The following FBXW7 variants were observed in gnomAD, a reference collection of about 807,000 sequenced individuals.
FBXW7 encodes the protein F-box/WD repeat-containing protein 7.
In FBXW7, 11 loss-of-function variants were observed where a neutral mutation model predicts 86.3. The ratio of observed to expected loss-of-function variants is 0.13; its 90% CI spans 0.08 to 0.21. The LOEUF (loss-of-function observed/expected upper bound fraction) is 0.21, where lower values mean the gene tolerates loss of function less well. Ranked by LOEUF, FBXW7 falls within the 10% of genes least tolerant of loss-of-function variation. The pLI, the probability that FBXW7 is intolerant of heterozygous loss-of-function variation, is 1.00. For synonymous variants in FBXW7, 313 were observed against 297.9 expected (o/e 1.05, Z -0.52); for missense variants, 488 against 847.4 (o/e 0.58, Z 5.27).
chr4:152,357,176 CTTACT>C (rs1197734787), intron 4 of FBXW7, among the ~76,000 whole-genome samples: 4 of 152,058 alleles, frequency 2.6e-5, no homozygotes, highest in African/African-American at 4.8e-5. Context: ...AATAGATAAT[CTTACT>C]TTACTTAAAC....
chr4:152,395,152 C>A (rs1736311605), intron 4 of FBXW7, among the ~76,000 whole-genome samples: 1 of 152,008 alleles, frequency 6.6e-6, no homozygotes, highest in Non-Finnish European at 1.5e-5. Flanking sequence ...CAGTGTTTTG[C>A]AAACTTCAGT....
At chr4:152,351,599 C>T (rs1731824020) in intron 4 of FBXW7, among the ~76,000 whole-genome samples, 1 of 152,008 alleles carries the variant, frequency 6.6e-6, no homozygotes, top group South Asian at 2.1e-4. Context: ...TATAGATACA[C>T]ACATATATAT....
At chr4:152,456,642 G>A (rs562906416) in intron 2 of FBXW7, among the ~76,000 whole-genome samples, 3 of 152,218 alleles carry the variant, frequency 2.0e-5, no homozygotes, top group South Asian at 2.1e-4. Context: ...AACATAATTC[G>A]CATTTTCCTA....
At chr4:152,387,708 C>CTTTTTTTTTTTTTTTTTT (rs34073737) in intron 4 of FBXW7, among the ~76,000 whole-genome samples, 2 of 112,796 alleles carry the variant, frequency 1.8e-5, no homozygotes, top group African/African-American at 7.1e-5. Context: ...CATGGCATAC[C>CTTTTTTTTTTTTTTTTTT]TTTTTTTTTT....
chr4:152,370,703 T>C (rs1384224148), intron 4 of FBXW7, among the ~76,000 whole-genome samples: 2 of 151,996 alleles, frequency 1.3e-5, no homozygotes, highest in African/African-American at 4.8e-5. Flanking sequence ...AATGCCAATG[T>C]AGTAAGATGT....
At position 152,328,329 on chromosome 4, in the gene FBXW7, T is replaced by A. The variant is rs761173677; in HGVS notation, c.1297A>T (p.Ile433Phe). Reference sequence around the variant, plus strand: ...CGATCTGTAGATCCACTAATGATGATGTTGTCTCTCATTTGTGATGACCAT... The same window carrying A: ...CGATCTGTAGATCCACTAATGATGAAGTTGTCTCTCATTTGTGATGACCAT... Reference protein sequence around the residue: ...GVWSSQMRDNIIISGSTDRTL... With the variant: ...GVWSSQMRDNFIISGSTDRTL... The change falls in exon 11 of 14, where the codon ATC (isoleucine) becomes TTC (phenylalanine). Residue 433 changes from isoleucine to phenylalanine, a missense_variant. This residue lies in a region of FBXW7 where 142 missense variants were observed against 406.6 expected (regional missense o/e 0.35). Coordinates refer to ENST00000281708, the MANE Select transcript of FBXW7 (RefSeq NM_001349798.2). 5.0e-6 allele frequency: 8 copies of A among 1,592,912 alleles called. No individual in the cohort carries two copies. Among genetic ancestry groups the A allele is most frequent in the Middle Eastern group, 3.3e-4 (2 of 6,002 alleles).
In FBXW7 at chr4:152,535,253, G is replaced by C. The variant is rs1472822284; in HGVS notation, c.-339C>G. ...TTTGTAAAGTTTCCTCTGGGTGGAGGCTGCGGCCGGCCCCCCGGGTCCCCC... is the reference window on the plus strand; with the variant it reads ...TTTGTAAAGTTTCCTCTGGGTGGAGCCTGCGGCCGGCCCCCCGGGTCCCCC... On this transcript the variant is annotated 5_prime_UTR_variant, in exon 1 of 14. Transcript: ENST00000281708. 1 of 238,116 alleles carries C rather than the reference G, an allele frequency of 4.2e-6. No homozygotes were observed. Among genetic ancestry groups the C allele is most frequent in the Non-Finnish European group, 8.1e-6 (1 of 123,894 alleles). The allele number at this position is 238,116 out of a possible 1,614,324, so 14.8% of individuals were successfully genotyped here.
intron 2 of FBXW7, among the ~76,000 whole-genome samples, chr4:152,462,505 T>C (rs997881459): frequency 6.6e-6 from 1 of 152,220 alleles, no homozygotes; most frequent in Non-Finnish European, 1.5e-5. Context: ...TCTTACTTAT[T>C]GCTTCCATGA....
intron 2 of FBXW7, among the ~76,000 whole-genome samples, chr4:152,508,099 C>A (rs377138548): frequency 2.0e-5 from 3 of 151,530 alleles, no homozygotes; most frequent in East Asian, 3.9e-4. Context: ...TAAGCCCTCA[C>A]AAAATGATGG....
chr4:152,326,843 A>G (rs1729070981), intron 11 of FBXW7, among the ~76,000 whole-genome samples: 3 of 152,244 alleles, frequency 2.0e-5, no homozygotes, highest in Non-Finnish European at 1.5e-5. Context: ...CCAGTTTTAG[A>G]CATGTCCTCA....
Position 152,535,844 on chromosome 4 carries a change from C to A in FBXW7, c.-930G>T. The A allele has an allele frequency of 2.6e-6, 1 of 391,212 alleles. No individual in the cohort carries two copies. The highest frequency in any genetic ancestry group is 4.5e-6 in the Non-Finnish European group (1 of 221,666). 24.2% of individuals were successfully genotyped at this position (391,212 alleles called of 1,614,324 possible). On this transcript the variant is annotated 5_prime_UTR_variant, in exon 1 of 14. Coordinates refer to ENST00000281708, the MANE Select transcript of FBXW7 (RefSeq NM_001349798.2). ...GCTCGGGCTCCGGCTCTGGCTCCGGCTCCGGCGTGTGCAGCCGCCGCTGCC... is the reference window on the plus strand; with the variant it reads ...GCTCGGGCTCCGGCTCTGGCTCCGGATCCGGCGTGTGCAGCCGCCGCTGCC...
At chr4:152,339,215 T>G (rs1730465038) in intron 6 of FBXW7, among the ~76,000 whole-genome samples, 1 of 152,202 alleles carries the variant, frequency 6.6e-6, no homozygotes, top group African/African-American at 2.4e-5. Flanking sequence ...TGTCCCTTCC[T>G]TTTGCTTCTA....
chr4:152,488,243 AAAATAT>A (rs991242189), intron 2 of FBXW7, among the ~76,000 whole-genome samples: 7 of 152,222 alleles, frequency 4.6e-5, no homozygotes, highest in Admixed American at 6.5e-5. Context: ...GGTGCATAAA[AAAATAT>A]AAATTTTTCA....
intron 2 of FBXW7, among the ~76,000 whole-genome samples, chr4:152,414,276 TG>T (rs1490624399): frequency 6.6e-6 from 1 of 152,148 alleles, no homozygotes; most frequent in African/African-American, 2.4e-5. Context: ...AGGCTATGTT[TG>T]GGGGCCATTC....
At chr4:152,417,733 T>TA (rs1344943333) in intron 2 of FBXW7, among the ~76,000 whole-genome samples, 1 of 152,108 alleles carries the variant, frequency 6.6e-6, no homozygotes, top group Non-Finnish European at 1.5e-5. Flanking sequence ...AGTGGTACCC[T>TA]ACTCAGATAT....
intron 4 of FBXW7, among the ~76,000 whole-genome samples, chr4:152,404,874 C>A (rs566551687): frequency 6.6e-6 from 1 of 152,066 alleles, no homozygotes; most frequent in South Asian, 2.1e-4. Flanking sequence ...AGGAAGATCA[C>A]CAGAGCTCAG....
At chr4:152,408,990 G>C (rs1737689020) in intron 4 of FBXW7, among the ~76,000 whole-genome samples, 1 of 152,120 alleles carries the variant, frequency 6.6e-6, no homozygotes, top group Admixed American at 6.5e-5. Flanking sequence ...GCTCCCAAAA[G>C]AACAAACCTT....
intron 2 of FBXW7, among the ~76,000 whole-genome samples, chr4:152,506,499 G>A (rs1457697089): frequency 6.6e-6 from 1 of 152,202 alleles, no homozygotes; most frequent in Non-Finnish European, 1.5e-5. Context: ...ACAAACACAT[G>A]AGTAAGGTAC....
At chr4:152,367,160 A>G (rs1009676909) in intron 4 of FBXW7, among the ~76,000 whole-genome samples, 2 of 152,164 alleles carry the variant, frequency 1.3e-5, no homozygotes, top group African/African-American at 4.8e-5. Context: ...TAGCATTAGG[A>G]GAAATATCTA....
Sources: gnomAD v4.1 joint callset for allele counts (sites outside exome capture counted in the v4.1 genomes callset) on GRCh38, gnomAD v4.1.1 for gene constraint, gnomAD v4.1.1 regional missense constraint, MANE v1.5 for transcripts, NCBI Gene and HGNC (gene_info 2026-07-23, HGNC 2026-07-21) for gene names.